The following PRH1 variants were observed in gnomAD, a reference collection of about 807,000 sequenced individuals.
PRH1 encodes the protein salivary acidic proline-rich phosphoprotein 1/2.
In PRH1, 7 loss-of-function variants were observed where a neutral mutation model predicts 7.9. The ratio of observed to expected loss-of-function variants is 0.89; its 90% CI spans 0.50 to 1.67. The LOEUF (loss-of-function observed/expected upper bound fraction) is 1.67, where lower values mean the gene tolerates loss of function less well. Among genes scored for constraint, PRH1 ranks in the 40% most tolerant of loss-of-function variants. PRH1 has a pLI of 0.00. For synonymous variants in PRH1, 45 were observed against 80.8 expected (o/e 0.56, Z 2.38); for missense variants, 109 against 223.6 (o/e 0.49, Z 3.27).
At chr12:11,003,600 T>C (rs1591797476) in intron 1 of PRH1, among the ~76,000 whole-genome samples, 1 of 148,856 alleles carries the variant, frequency 6.7e-6, no homozygotes, top group East Asian at 1.9e-4. Context: ...AAACTTAAAA[T>C]AAAATTTCTT....
chr12:10,894,967 C>A (rs558841265), intron 2 of PRH1: 1 of 152,132 alleles, frequency 6.6e-6, no homozygotes, highest in African/African-American at 2.4e-5. Context: ...AGATTATGTC[C>A]TTTTTGGCAT....
intron 1 of PRH1, among the ~76,000 whole-genome samples, chr12:11,110,823 A>G (rs1012782122): frequency 3.9e-5 from 6 of 152,230 alleles, no homozygotes; most frequent in Admixed American, 3.3e-4. Flanking sequence ...TTAAATGTAA[A>G]TGGGAAAAAT....
chr12:10,895,906 T>G (rs1485161976), intron 2 of PRH1: 1 of 152,214 alleles, frequency 6.6e-6, no homozygotes, highest in Non-Finnish European at 1.5e-5. Flanking sequence ...AATCTCTGCC[T>G]TCAATACACC....
chr12:10,908,716 A>C (rs768082133), intron 2 of PRH1: 4 of 1,613,880 alleles, frequency 2.5e-6, no homozygotes, highest in Non-Finnish European at 3.4e-6. Context: ...AAAGAGATGA[A>C]GGCCACAGTA....
intron 1 of PRH1, among the ~76,000 whole-genome samples, chr12:11,070,843 C>A (rs754856220): frequency 2.5e-5 from 3 of 119,250 alleles, no homozygotes; most frequent in African/African-American, 5.5e-5. Flanking sequence ...TTTGCGTTGG[C>A]TTTTTCAGAG....
downstream of PRH1, among the ~76,000 whole-genome samples, chr12:11,117,495 G>C (rs531712579): frequency 2.6e-5 from 4 of 152,150 alleles, no homozygotes; most frequent in African/African-American, 9.6e-5. Context: ...ACTACCCAAA[G>C]AATCTACAGA....
At chr12:10,974,958 G>A (rs1247360996) in intron 1 of PRH1, among the ~76,000 whole-genome samples, 1 of 152,146 alleles carries the variant, frequency 6.6e-6, no homozygotes, top group Non-Finnish European at 1.5e-5. Context: ...AAAAAAAAGT[G>A]TTCTGACAGA....
At chr12:11,024,196 A>G (rs574963439) in intron 1 of PRH1, among the ~76,000 whole-genome samples, 4 of 152,380 alleles carry the variant, frequency 2.6e-5, no homozygotes, top group African/African-American at 9.6e-5. Context: ...GAGCAGAGTA[A>G]TAATAATTTT....
At chr12:11,068,793 T>G (rs1161067955) in intron 1 of PRH1, among the ~76,000 whole-genome samples, 2 of 152,230 alleles carry the variant, frequency 1.3e-5, no homozygotes, top group Non-Finnish European at 2.9e-5. Flanking sequence ...TGTATAATGC[T>G]ATTTTAAATA....
chr12:10,999,489 G>A (rs973364318), intron 1 of PRH1, among the ~76,000 whole-genome samples: 1 of 152,040 alleles, frequency 6.6e-6, no homozygotes, highest in Non-Finnish European at 1.5e-5. Context: ...TAATTTTTAC[G>A]TGACATTTCT....
intron 2 of PRH1, among the ~76,000 whole-genome samples, chr12:10,942,799 T>C (rs1370750198): frequency 2.0e-5 from 3 of 152,206 alleles, no homozygotes; most frequent in Non-Finnish European, 4.4e-5. Flanking sequence ...ATTTCCCTCT[T>C]GTCACCCTCC....
At chr12:11,013,712 A>G (rs1941162204) in intron 1 of PRH1, among the ~76,000 whole-genome samples, 1 of 150,510 alleles carries the variant, frequency 6.6e-6, no homozygotes, top group South Asian at 2.1e-4. Context: ...AATTCAAGCA[A>G]AAATATTATT....
intron 1 of PRH1, among the ~76,000 whole-genome samples, chr12:11,023,689 A>T (rs1448659052): frequency 1.3e-5 from 2 of 152,250 alleles, no homozygotes; most frequent in Admixed American, 6.5e-5. Context: ...TCATCTGGCT[A>T]GCACACTGTT....
chr12:11,115,115 AAAAC>A (rs751759739), intron 1 of PRH1, among the ~76,000 whole-genome samples: 8 of 152,136 alleles, frequency 5.3e-5, no homozygotes, highest in East Asian at 3.8e-4. Flanking sequence ...GCTAAATGGA[AAAAC>A]AAACAAACAA....
intron 2 of PRH1, chr12:10,930,159 C>T (rs1174639980): frequency 7.7e-6 from 10 of 1,299,262 alleles, no homozygotes; most frequent in Non-Finnish European, 1.1e-5. Flanking sequence ...GATGAGATCT[C>T]AAAGGGGATG....
At chr12:11,171,596 G>A, upstream of PRH1, 2 of 1,217,448 alleles carry the variant, frequency 1.6e-6, no homozygotes, top group East Asian at 3.2e-5. Flanking sequence ...TCCGGGGCCA[G>A]CATGATGGCC....
At chr12:10,953,679 A>G (rs1937801329) in intron 2 of PRH1, among the ~76,000 whole-genome samples, 1 of 152,226 alleles carries the variant, frequency 6.6e-6, no homozygotes, top group African/African-American at 2.4e-5. Flanking sequence ...AACAACTTGG[A>G]AAACCTATTT....
intron 1 of PRH1, among the ~76,000 whole-genome samples, chr12:11,057,524 C>T (rs368420855): frequency 6.8e-6 from 1 of 147,480 alleles, no homozygotes; most frequent in African/African-American, 2.5e-5. Flanking sequence ...TGCTGGCAAC[C>T]CAATGTATAA....
chr12:11,133,988 T>G (rs761341347), intron 1 of PRH1: 1 of 1,614,076 alleles, frequency 6.2e-7, no homozygotes, highest in East Asian at 2.2e-5. Context: ...TGCCCAGACA[T>G]TATAAGCAGT....
Sources: allele counts gnomAD v4.1 joint callset (sites outside exome capture counted in the v4.1 genomes callset), GRCh38; gene constraint gnomAD v4.1.1; transcripts MANE v1.5; gene names NCBI Gene and HGNC (gene_info 2026-07-23, HGNC 2026-07-21).